Variants in WNT5B observed in about 807,000 individuals in gnomAD.
WNT5B encodes the protein Wnt family member 5B, also known as protein Wnt-5b.
A neutral mutation model predicts 36.5 loss-of-function variants in WNT5B; 18 were observed. That is an observed-to-expected ratio of 0.49 (90% CI 0.34 to 0.73). The LOEUF is 0.73. Ranked by LOEUF, WNT5B falls within the 30% of genes least tolerant of loss-of-function variation. WNT5B has a pLI of 0.01. For missense variants in WNT5B, 424 were observed against 508.4 expected (o/e 0.83, Z 1.60); for synonymous variants, 213 against 212.3 (o/e 1.00, Z -0.03).
rs143800729 is a variant in WNT5B at position 1,633,345 on chromosome 12, A to G, written c.328+440A>G. 8.5e-5 allele frequency among the ~76,000 whole-genome samples: 13 copies of G among 152,282 alleles called. No individual in the cohort carries two copies. Among genetic ancestry groups the G allele is most frequent in the African/African-American group, 2.6e-4 (11 of 41,564 alleles). ...TTGGATTTTTGCCTCTTCCACTTCAACCTTTGACAGAGAGATAGAAATGTC... is the reference window on the plus strand; with the variant it reads ...TTGGATTTTTGCCTCTTCCACTTCAGCCTTTGACAGAGAGATAGAAATGTC... On this transcript the variant is annotated intron_variant, in intron 3 of 4. Transcript: ENST00000397196. The surrounding 1 kb of genome is among the most constrained non-coding windows in gnomAD (Gnocchi z 4.8).
rs2094554171 is a variant in WNT5B, at chr12:1,633,145, G to A, written c.328+240G>A. Among the ~76,000 whole-genome samples, 1 of 152,044 alleles carries A rather than the reference G, an allele frequency of 6.6e-6. No homozygotes were observed. The highest frequency in any genetic ancestry group is 1.5e-5 in the Non-Finnish European group (1 of 68,014). ...CTGCCTTCCAGCCTCACTTGGGGCA[G>A]GTTGCTTGGGACTCACTGAGAGGGG... On this transcript the variant is annotated intron_variant, in intron 3 of 4. Transcript: ENST00000397196. This position sits in a 1 kb window ranked among gnomAD's most constrained non-coding sequence, Gnocchi z 4.8.
chr12:1,628,284 T>C (rs565497724), upstream of WNT5B, among the ~76,000 whole-genome samples: 6 of 152,232 alleles, frequency 3.9e-5, no homozygotes, highest in East Asian at 7.7e-4. Context: ...GCCTCCCAAG[T>C]AGCTGCGACT....
upstream of WNT5B, among the ~76,000 whole-genome samples, chr12:1,626,512 C>G (rs144115690): frequency 6.6e-6 from 1 of 151,996 alleles, no homozygotes; most frequent in East Asian, 1.9e-4. Context: ...ATCCACCTGC[C>G]TCGGCCTCGC....
upstream of WNT5B, among the ~76,000 whole-genome samples, chr12:1,624,634 G>A (rs79183372): frequency 0.023 from 3,515 of 152,272 alleles, 148 homozygotes; most frequent in African/African-American, 0.081. Context: ...GCACTAAGAG[G>A]TGCTCAATAA....
At chr12:1,636,401 G>GGCA (rs886951969) in intron 3 of WNT5B, among the ~76,000 whole-genome samples, 3 of 149,540 alleles carry the variant, frequency 2.0e-5, no homozygotes, top group African/African-American at 4.9e-5. Context: ...GCCTATCCTG[G>GGCA]GCATTTCTTA....
chr12:1,628,051 T>C (rs2094543648), upstream of WNT5B, among the ~76,000 whole-genome samples: 1 of 152,232 alleles, frequency 6.6e-6, no homozygotes, highest in Non-Finnish European at 1.5e-5. Flanking sequence ...AGCAGATGTC[T>C]GACCAGCTCA....
chr12:1,624,657 A>G (rs1421185719), upstream of WNT5B, among the ~76,000 whole-genome samples: 1 of 152,228 alleles, frequency 6.6e-6, no homozygotes, highest in Non-Finnish European at 1.5e-5. Flanking sequence ...GTTGATTAAT[A>G]CTAGCTATTG....
Position 1,646,194 on chromosome 12 carries a change from G to C in WNT5B, c.1022G>C (p.Cys341Ser). The part of the protein sequence containing the change: ...VERCHCKFHW[C>S]CFVRCKKCTE... Reference sequence around the variant, plus strand: ...CGCTGCCACTGCAAGTTCCACTGGTGCTGCTTCGTCAGGTGTAAGAAGTGC... The same window carrying C: ...CGCTGCCACTGCAAGTTCCACTGGTCCTGCTTCGTCAGGTGTAAGAAGTGC... The change falls in exon 5 of 5, where the codon TGC (cysteine) becomes TCC (serine). Residue 341 changes from cysteine (C) to serine (S), a missense_variant. Transcript: ENST00000397196. 6.2e-7 allele frequency: 1 copy of C among 1,613,868 alleles called. No homozygotes were observed. Among genetic ancestry groups the C allele is most frequent in the East Asian group, 2.2e-5 (1 of 44,888 alleles).
At chr12:1,637,857 A>G (rs1286099223) in intron 3 of WNT5B, among the ~76,000 whole-genome samples, 4 of 152,158 alleles carry the variant, frequency 2.6e-5, no homozygotes, top group Admixed American at 6.5e-5. Flanking sequence ...TTTATTGCTA[A>G]AAAATGCTGA....
intron 1 of WNT5B, among the ~76,000 whole-genome samples, chr12:1,623,187 G>GTTGTTTTTTTTTTTTT (rs1555156806): frequency 3.4e-5 from 2 of 58,366 alleles, no homozygotes; most frequent in African/African-American, 7.2e-5. Flanking sequence ...GTTTTTTGTT[G>GTTGTTTTTTTTTTTTT]TTTTTTTTTT....
chr12:1,628,972 G>C (rs1395763919), upstream of WNT5B, among the ~76,000 whole-genome samples: 1 of 151,808 alleles, frequency 6.6e-6, no homozygotes, highest in African/African-American at 2.4e-5. Flanking sequence ...GGGGAGTTCA[G>C]TTTCAGGTAC....
chr12:1,635,912 G>A (rs150935933), intron 3 of WNT5B, among the ~76,000 whole-genome samples: 8 of 152,280 alleles, frequency 5.3e-5, no homozygotes, highest in Non-Finnish European at 8.8e-5. Context: ...AGAGAAAAAC[G>A]GACTCACTCA....
chr12:1,634,043 T>TA (rs200584534), intron 3 of WNT5B, among the ~76,000 whole-genome samples: 6 of 152,026 alleles, frequency 3.9e-5, no homozygotes, highest in African/African-American at 9.7e-5. Flanking sequence ...TCTGTCTCTA[T>TA]AAAAAAAATT....
chr12:1,645,743 G>T (rs937341809), intron 4 of WNT5B, 51 bp from the exon 5 acceptor site: 2 of 1,524,650 alleles, frequency 1.3e-6, no homozygotes, highest in Non-Finnish European at 1.8e-6. Flanking sequence ...CACCCTCTGG[G>T]CCTCTTCCAC....
In WNT5B at chr12:1,640,895, C is replaced by T. The variant is rs374267489; in HGVS notation, c.621+919C>T. On this transcript the variant is annotated intron_variant, in intron 4 of 4. Coordinates refer to ENST00000397196, the MANE Select transcript of WNT5B (RefSeq NM_032642.3). Reference sequence around the variant, plus strand: ...TGACAGGGACCGAGGGCAACATGGGCGTCCACCCGGGTTTCCTCTGAGAAA... The same window carrying T: ...TGACAGGGACCGAGGGCAACATGGGTGTCCACCCGGGTTTCCTCTGAGAAA... Among the ~76,000 whole-genome samples the T allele has an allele frequency of 1.3e-4, 20 of 152,174 alleles. No homozygotes were observed. The East Asian group carries it at 1.7e-3, about 13-fold the overall frequency.
At position 1,617,341 on chromosome 12, in the gene WNT5B, C is replaced by T. The variant is rs139827754; in HGVS notation, c.-58+198C>T. 1.5e-3 allele frequency among the ~76,000 whole-genome samples: 232 copies of T among 150,580 alleles called. 2 individuals are homozygous for T. The highest frequency in any genetic ancestry group is 5.5e-3 in the African/African-American group (227 of 41,088). On this transcript the variant is annotated intron_variant, in intron 1 of 4. Transcript: ENST00000310594. ...TATATATAATATGTATATTGAGGTCCCTTTAAAGAACAGCATGATGGGCTG... is the reference window on the plus strand; with the variant it reads ...TATATATAATATGTATATTGAGGTCTCTTTAAAGAACAGCATGATGGGCTG...
At chr12:1,617,706 T>G (rs989242875) in intron 1 of WNT5B, among the ~76,000 whole-genome samples, 26 of 152,240 alleles carry the variant, frequency 1.7e-4, no homozygotes, top group African/African-American at 6.3e-4. Context: ...TTGTGAATGC[T>G]CCAAACATTC....
intron 4 of WNT5B, 22 bp downstream of exon 4, chr12:1,639,998 TCC>T: frequency 1.3e-6 from 2 of 1,596,778 alleles, no homozygotes; most frequent in Non-Finnish European, 1.7e-6. Flanking sequence ...CTCCCCGGCC[TCC>T]CCAGCACTGC....
At chr12:1,617,893 C>T (rs558293939) in intron 1 of WNT5B, among the ~76,000 whole-genome samples, 3 of 152,012 alleles carry the variant, frequency 2.0e-5, no homozygotes, top group Non-Finnish European at 2.9e-5. Context: ...AATCGCAGCA[C>T]TTTGGGAAGC....
Sources: allele counts gnomAD v4.1 joint callset (sites outside exome capture counted in the v4.1 genomes callset), GRCh38; gene constraint gnomAD v4.1.1; non-coding constraint Gnocchi (gnomAD v3.1); transcripts MANE v1.5; gene names NCBI Gene and HGNC (gene_info 2026-07-23, HGNC 2026-07-21).